DRICH1: variants seen among roughly 807,000 people sequenced by gnomAD.
DRICH1 encodes aspartate-rich protein 1.
Under a neutral mutation model 39.5 loss-of-function variants are expected in DRICH1, and 38 were observed. The observed-to-expected ratio is 0.96, with a 90% confidence interval of 0.74 to 1.26. The LOEUF (loss-of-function observed/expected upper bound fraction) is 1.26. DRICH1 is among the 50% of genes most tolerant of loss of function. DRICH1 has a pLI of 0.00. For synonymous variants in DRICH1, 84 were observed against 99.5 expected (o/e 0.84, Z 0.93); for missense variants, 279 against 270.4 (o/e 1.03, Z -0.22).
chr22:23,593,865 C>A, the DRICH1 span, among the ~76,000 whole-genome samples: 3 of 151,714 alleles, frequency 2.0e-5, no homozygotes, highest in African/African-American at 7.3e-5. Context: ...GTAATCCCAG[C>A]TACTCTGGAG....
At chr22:23,593,106 C>T in the DRICH1 span, among the ~76,000 whole-genome samples, 1 of 151,204 alleles carries the variant, frequency 6.6e-6, no homozygotes, top group Non-Finnish European at 1.5e-5. Context: ...GACCTTAAAA[C>T]CATCTTAAAT....
chr22:23,599,711 C>G, the DRICH1 span, among the ~76,000 whole-genome samples: 8 of 152,172 alleles, frequency 5.3e-5, no homozygotes, highest in Non-Finnish European at 1.2e-4. Flanking sequence ...GCCCTCCAGC[C>G]CTGGTTCAAG....
At chr22:23,615,194 T>C (rs778647673) in intron 8 of DRICH1, among the ~76,000 whole-genome samples, 4 of 152,030 alleles carry the variant, frequency 2.6e-5, no homozygotes, top group African/African-American at 4.8e-5. Flanking sequence ...GCCAACATGG[T>C]AAAACCCCGT....
chr22:23,586,663 C>T, the DRICH1 span, among the ~76,000 whole-genome samples: 2 of 152,322 alleles, frequency 1.3e-5, no homozygotes, highest in East Asian at 3.9e-4. Context: ...CCTGCCTCAG[C>T]CTCCAGAGTA....
chr22:23,592,381 AG>A, the DRICH1 span, among the ~76,000 whole-genome samples: 286 of 125,050 alleles, frequency 2.3e-3, no homozygotes, highest in African/African-American at 7.3e-3. Flanking sequence ...AGTGATATCA[AG>A]GAGCAAGACT....
rs1927380797 is a variant in DRICH1 at position 23,616,862 on chromosome 22, G to A, written c.532C>T (p.Pro178Ser). Residue 178 changes from proline (P) to serine (S), a missense_variant, in exon 8 of 12, where the codon CCT becomes TCT. Pro to Ser is a moderately conservative substitution (Grantham distance 74). Transcript: ENST00000317749. The stretch of plus-strand genomic sequence containing the variant: ...AGTTCAAGGTACATACCCTGGACAG[G>A]TGACGGTAAAATCTGCAATGAGATA... ...DDDDAQILPS[P>S]VQACSEDSLF... 1 of 1,613,942 alleles carries A rather than the reference G, an allele frequency of 6.2e-7. No individual in the cohort carries two copies. The highest frequency in any genetic ancestry group is 1.7e-5 in the Admixed American group (1 of 59,992).
chr22:23,615,510 G>A (rs1432561817), intron 8 of DRICH1, among the ~76,000 whole-genome samples: 5 of 152,176 alleles, frequency 3.3e-5, no homozygotes, highest in African/African-American at 1.2e-4. Flanking sequence ...CGGAAGTAAA[G>A]AAGGTACAAA....
At chr22:23,582,072 C>T in the DRICH1 span, among the ~76,000 whole-genome samples, 1 of 146,050 alleles carries the variant, frequency 6.8e-6, no homozygotes, top group Non-Finnish European at 1.5e-5. Flanking sequence ...CTCTTTCTCC[C>T]GGGTTCAAGC....
intron 8 of DRICH1, among the ~76,000 whole-genome samples, chr22:23,615,880 T>C (rs1255826390): frequency 6.6e-6 from 1 of 152,238 alleles, no homozygotes; most frequent in South Asian, 2.1e-4. Context: ...TCAACAAAAG[T>C]GTCAAAAATA....
At chr22:23,618,759 GA>G (rs2123777413) in intron 6 of DRICH1, among the ~76,000 whole-genome samples, 2 of 152,278 alleles carry the variant, frequency 1.3e-5, no homozygotes, top group East Asian at 3.9e-4. Flanking sequence ...TATATCAATA[GA>G]AATGAACAAA....
chr22:23,624,412 A>G, intron 3 of DRICH1: 1 of 890,200 alleles, frequency 1.1e-6, no homozygotes, highest in Non-Finnish European at 1.3e-6. Context: ...ATGACATTAA[A>G]CTCTGAAAAT....
chr22:23,585,724 T>TATAAAGTCCA, the DRICH1 span, among the ~76,000 whole-genome samples: 1 of 152,204 alleles, frequency 6.6e-6, no homozygotes, highest in African/African-American at 2.4e-5. Context: ...CTCACTGTGT[T>TATAAAGTCCA]GCCCGGGCTG....
downstream of DRICH1, among the ~76,000 whole-genome samples, chr22:23,607,368 A>G (rs9612389): frequency 0.27 from 40,388 of 152,066 alleles, 5,576 homozygotes; most frequent in South Asian, 0.31. Flanking sequence ...TCCAGGTCAC[A>G]TAGGATCACA....
At chr22:23,607,538 C>CGGGG (rs59669796), downstream of DRICH1, among the ~76,000 whole-genome samples, 3 of 147,432 alleles carry the variant, frequency 2.0e-5, no homozygotes, top group African/African-American at 7.6e-5. Flanking sequence ...CTGGCGGGGG[C>CGGGG]GGGGGGGGGC....
Position 23,632,060 on chromosome 22 carries a change from T to C in DRICH1, c.-37A>G. On this transcript the variant is annotated 5_prime_UTR_variant, in exon 1 of 12. Transcript: ENST00000317749. ...ATGCCTCTCCACTCCTGCCTCAGCC[T>C]TCAGCGAAATTGTAACTGTGCTGCC... 1 of 1,611,018 alleles carries C rather than the reference T, an allele frequency of 6.2e-7. No individual in the cohort carries two copies. Among genetic ancestry groups the C allele is most frequent in the East Asian group, 2.2e-5 (1 of 44,864 alleles).
chr22:23,623,963 G>A, intron 3 of DRICH1: 2 of 614,180 alleles, frequency 3.3e-6, no homozygotes, highest in Non-Finnish European at 3.7e-6. Flanking sequence ...TGTGCTCAAG[G>A]TTGTGCTTCT....
At chr22:23,595,538 C>T in the DRICH1 span, among the ~76,000 whole-genome samples, 4 of 152,132 alleles carry the variant, frequency 2.6e-5, no homozygotes, top group African/African-American at 9.7e-5. Context: ...ACCTTTCTGC[C>T]TAGTTGCCTC....
the DRICH1 span, among the ~76,000 whole-genome samples, chr22:23,597,123 G>C: frequency 1.5e-5 from 2 of 135,626 alleles, no homozygotes; most frequent in Non-Finnish European, 1.6e-5. Context: ...AACTTTCATT[G>C]ACTGACCCAT....
the DRICH1 span, among the ~76,000 whole-genome samples, chr22:23,596,509 C>G: frequency 6.6e-6 from 1 of 152,218 alleles, no homozygotes; most frequent in Admixed American, 6.5e-5. Flanking sequence ...CCCACCGTGG[C>G]CTCCCCGCTC....
Sources: gnomAD v4.1 joint callset for allele counts (sites outside exome capture counted in the v4.1 genomes callset) on GRCh38, gnomAD v4.1.1 for gene constraint, MANE v1.5 for transcripts, NCBI Gene and HGNC (gene_info 2026-07-23, HGNC 2026-07-21) for gene names.